RNF111: variants seen among roughly 807,000 people sequenced by gnomAD.
The protein encoded by RNF111 is ring finger protein 111, also known as E3 ubiquitin-protein ligase Arkadia.
Under a neutral mutation model 95.1 loss-of-function variants are expected in RNF111, and 17 were observed. The ratio of observed to expected loss-of-function variants is 0.18; its 90% CI spans 0.12 to 0.27. RNF111 has a LOEUF of 0.27. Among genes scored for constraint, RNF111 ranks in the 10% least tolerant of loss-of-function variants. The pLI, the probability that RNF111 is intolerant of heterozygous loss-of-function variation, is 1.00. For synonymous variants in RNF111, 440 were observed against 414.8 expected (o/e 1.06, Z -0.74); for missense variants, 1,189 against 1,210.4 (o/e 0.98, Z 0.26).
intron 2 of RNF111, among the ~76,000 whole-genome samples, chr15:59,046,191 T>A (rs1378199507): frequency 6.6e-6 from 1 of 152,142 alleles, no homozygotes; most frequent in Non-Finnish European, 1.5e-5. Flanking sequence ...TGCTTTTTTT[T>A]TTTTTTCCCT....
intron 5 of RNF111, among the ~76,000 whole-genome samples, chr15:59,064,552 A>C (rs2042576263): frequency 6.6e-6 from 1 of 151,500 alleles, no homozygotes; most frequent in South Asian, 2.1e-4. Context: ...AAAAAAAAAA[A>C]AGGAAATAAT....
At chr15:59,051,413 G>GC (rs1425786370) in intron 2 of RNF111, among the ~76,000 whole-genome samples, 4 of 147,906 alleles carry the variant, frequency 2.7e-5, no homozygotes, top group African/African-American at 1.0e-4. Context: ...AGCAGAGATG[G>GC]CGCCACTGCA....
At chr15:59,025,058 A>G (rs1321338333) in intron 1 of RNF111, among the ~76,000 whole-genome samples, 3 of 152,176 alleles carry the variant, frequency 2.0e-5, no homozygotes, top group South Asian at 2.1e-4. Flanking sequence ...TTGTTTATCT[A>G]TTCATCACTT....
At chr15:59,061,319 C>G (rs533214955) in intron 5 of RNF111, among the ~76,000 whole-genome samples, 2 of 152,162 alleles carry the variant, frequency 1.3e-5, no homozygotes, top group Admixed American at 6.5e-5. Context: ...CCGTCCTTAT[C>G]TTGTACCTTT....
At chr15:59,065,832 A>T (rs1013474016) in intron 5 of RNF111, among the ~76,000 whole-genome samples, 1 of 152,110 alleles carries the variant, frequency 6.6e-6, no homozygotes, top group African/African-American at 2.4e-5. Flanking sequence ...GCAATGTGGC[A>T]AAATCTTGTC....
intron 2 of RNF111, among the ~76,000 whole-genome samples, chr15:59,044,469 G>A (rs1194411338): frequency 6.6e-6 from 1 of 152,108 alleles, no homozygotes; most frequent in Non-Finnish European, 1.5e-5. Context: ...AATAGAAATG[G>A]GCTTTGAAGA....
chr15:59,081,989 C>G (rs2078758784), intron 8 of RNF111, among the ~76,000 whole-genome samples: 1 of 152,142 alleles, frequency 6.6e-6, no homozygotes, highest in Admixed American at 6.5e-5. Flanking sequence ...AACCATAGTT[C>G]TTTTATCCTT....
At chr15:59,062,954 A>G (rs775419235) in intron 5 of RNF111, among the ~76,000 whole-genome samples, 6 of 152,152 alleles carry the variant, frequency 3.9e-5, no homozygotes, top group Non-Finnish European at 7.4e-5. Flanking sequence ...CCTCCCTTCC[A>G]ATTGTAACAA....
In RNF111 at chr15:59,070,059, T is replaced by TTTTA. The variant is rs1555398688; in HGVS notation, c.1686+2976_1686+2977insTTTA. 3.0e-5 allele frequency among the ~76,000 whole-genome samples: 3 copies of TTTTA among 100,698 alleles called. 1 individual carries two copies. The highest frequency in any genetic ancestry group is 7.5e-5 in the African/African-American group (2 of 26,546). The allele number at this position is 100,698 out of a possible 152,430, so 66.1% of individuals were successfully genotyped here. A position where few individuals can be genotyped will look rare whatever the true frequency, so the allele number is the denominator to read the frequency against. ...TTTTTTTTTTTTTTTTTTTTTTTTTTAGAGAGGATCTTGCCTTGTTTCTCA... is the reference window on the plus strand; with the variant it reads ...TTTTTTTTTTTTTTTTTTTTTTTTTTTTTAAGAGAGGATCTTGCCTTGTTTCTCA... On this transcript the variant is annotated intron_variant, in intron 6 of 13. Coordinates refer to ENST00000348370, the MANE Select transcript of RNF111 (RefSeq NM_017610.8).
At chr15:59,043,733 A>G (rs540721173) in intron 2 of RNF111, among the ~76,000 whole-genome samples, 1 of 152,330 alleles carries the variant, frequency 6.6e-6, no homozygotes, top group South Asian at 2.1e-4. Context: ...TCATTTGCTT[A>G]TACCTTCAGT....
At chr15:59,073,401 A>C (rs1392397535) in intron 6 of RNF111, among the ~76,000 whole-genome samples, 3 of 152,082 alleles carry the variant, frequency 2.0e-5, no homozygotes, top group Non-Finnish European at 2.9e-5. Flanking sequence ...TAATTGCCTG[A>C]ACCTGGGAGG....
chr15:59,005,344 T>C (rs1453394388), intron 1 of RNF111, among the ~76,000 whole-genome samples: 1 of 152,186 alleles, frequency 6.6e-6, no homozygotes, highest in Non-Finnish European at 1.5e-5. Flanking sequence ...TTCATTACTA[T>C]TCTCCAGATT....
chr15:59,067,154 C>T, intron 6 of RNF111, 71 bp downstream of exon 6: 1 of 1,246,942 alleles, frequency 8.0e-7, no homozygotes, highest in Non-Finnish European at 1.1e-6. Context: ...TCTCCCTTTT[C>T]TCTCTCTTCC....
chr15:59,022,257 A>G (rs887200773), intron 1 of RNF111, among the ~76,000 whole-genome samples: 16 of 152,224 alleles, frequency 1.1e-4, no homozygotes, highest in African/African-American at 3.6e-4. Flanking sequence ...TCTCTACCCT[A>G]AGTGTTTTGA....
chr15:59,049,418 A>G (rs547367995), intron 2 of RNF111: 48 of 158,320 alleles, frequency 3.0e-4, no homozygotes, highest in Admixed American at 5.3e-4. Context: ...TTCACAGGTT[A>G]TAGGTTCCAG....
chr15:59,019,266 G>A (rs569192386), intron 1 of RNF111, among the ~76,000 whole-genome samples: 77 of 152,068 alleles, frequency 5.1e-4, no homozygotes, highest in Non-Finnish European at 9.9e-4. Flanking sequence ...TTATTTTAAA[G>A]TTCCACTGAA....
At chr15:59,023,308 G>T (rs1454729630) in intron 1 of RNF111, among the ~76,000 whole-genome samples, 1 of 152,096 alleles carries the variant, frequency 6.6e-6, no homozygotes, top group Non-Finnish European at 1.5e-5. Context: ...AACTGAATTT[G>T]CTATTATTTT....
At chr15:58,997,517 A>T (rs1371742773) in intron 1 of RNF111, among the ~76,000 whole-genome samples, 3 of 87,878 alleles carry the variant, frequency 3.4e-5, no homozygotes, top group Non-Finnish European at 7.1e-5. Context: ...ATTTGCAGTT[A>T]AAAAAAAAAA....
chr15:59,031,347 A>T lies in RNF111; in HGVS notation c.525A>T (p.Arg175Ser). ...HSQTILNAKS[R>S]SHSARSHKWP... ...AGACCATTTTGAATGCTAAAAGTAGAAGCCATAGTGCACGGTCTCATAAGT... is the reference window on the plus strand; with the variant it reads ...AGACCATTTTGAATGCTAAAAGTAGTAGCCATAGTGCACGGTCTCATAAGT... Residue 175 changes from arginine to serine, a missense_variant, in exon 2 of 14, where the codon AGA becomes AGT. Coordinates refer to ENST00000348370, the MANE Select transcript of RNF111 (RefSeq NM_017610.8). The T allele has an allele frequency of 1.2e-6, 2 of 1,614,200 alleles. No individual in the cohort carries two copies. The highest frequency in any genetic ancestry group is 1.7e-6 in the Non-Finnish European group (2 of 1,180,028).
Sources: allele counts gnomAD v4.1 joint callset (sites outside exome capture counted in the v4.1 genomes callset), GRCh38; gene constraint gnomAD v4.1.1; transcripts MANE v1.5; gene names NCBI Gene and HGNC (gene_info 2026-07-23, HGNC 2026-07-21).